Variants in SCML4 observed in about 807,000 individuals in gnomAD.
SCML4 encodes sex comb on midleg-like protein 4.
In SCML4, 34 loss-of-function variants were observed where a neutral mutation model predicts 41.1. The observed-to-expected ratio is 0.83, with a 90% CI of 0.63 to 1.10. The LOEUF is 1.10. Ranked by LOEUF, SCML4 falls within the 50% of genes least tolerant of loss-of-function variation. The pLI is 0.00. For synonymous variants in SCML4, 214 were observed against 220.9 expected (o/e 0.97, Z 0.28); for missense variants, 522 against 534.1 (o/e 0.98, Z 0.22).
rs147368676 is a variant in SCML4 at position 107,798,981 on chromosome 6, G to A, written c.-60+25145C>T. Among the ~76,000 whole-genome samples the A allele has an allele frequency of 8.2e-3, 1,251 of 152,132 alleles. 11 individuals carry two copies. The highest frequency in any genetic ancestry group is 0.012 in the Non-Finnish European group (825 of 67,942). On this transcript the variant is annotated intron_variant, in intron 1 of 7. Coordinates refer to ENST00000369020, the MANE Select transcript of SCML4 (RefSeq NM_198081.5). ...GAAATGTATTGAGACTTGTTTTATG[G>A]CCCAGCTTATTGTCTATGTTGGTGA...
intron 5 of SCML4, among the ~76,000 whole-genome samples, chr6:107,739,606 G>A (rs1447222929): frequency 6.6e-6 from 1 of 152,026 alleles, no homozygotes; most frequent in Non-Finnish European, 1.5e-5. Context: ...TTACAATCCT[G>A]TTCGGGAACA....
At chr6:107,826,244 CA>C (rs202060012), upstream of SCML4, among the ~76,000 whole-genome samples, 75 of 95,866 alleles carry the variant, frequency 7.8e-4, no homozygotes, top group East Asian at 1.0e-2. Context: ...AATTCCATCT[CA>C]AAAAAAAAGA....
intron 3 of SCML4, 34 bp downstream of exon 3, chr6:107,749,650 C>A: frequency 1.2e-6 from 2 of 1,611,642 alleles, no homozygotes; most frequent in Non-Finnish European, 1.7e-6. Context: ...CTCTACAGAC[C>A]ATCACAGCCT....
chr6:107,707,810 T>C, intron 7 of SCML4, 56 bp downstream of exon 7: 6 of 1,549,680 alleles, frequency 3.9e-6, no homozygotes, highest in Non-Finnish European at 5.2e-6. Context: ...GACCTCACTC[T>C]CCTTCTGTGC....
At chr6:107,767,824 T>C (rs1404951160) in intron 2 of SCML4, among the ~76,000 whole-genome samples, 1 of 152,148 alleles carries the variant, frequency 6.6e-6, no homozygotes, top group African/African-American at 2.4e-5. Flanking sequence ...TTGTAATGGA[T>C]GTGTGACTTC....
the SCML4 span, among the ~76,000 whole-genome samples, chr6:107,833,228 G>A: frequency 1.3e-5 from 2 of 152,174 alleles, no homozygotes; most frequent in African/African-American, 2.4e-5. Flanking sequence ...CTCAAGATGC[G>A]TTGTTTAAGA....
intron 2 of SCML4, among the ~76,000 whole-genome samples, chr6:107,753,659 A>G (rs1178493773): frequency 6.6e-6 from 1 of 152,266 alleles, no homozygotes; most frequent in Non-Finnish European, 1.5e-5. Flanking sequence ...TAAAAAATTA[A>G]TTTTAAGGAT....
intron 1 of SCML4, among the ~76,000 whole-genome samples, chr6:107,819,150 G>A (rs1482195181): frequency 2.8e-5 from 3 of 106,986 alleles, no homozygotes; most frequent in Non-Finnish European, 6.5e-5. Flanking sequence ...TCGGTTGGAA[G>A]GGAGAAGGAA....
intron 1 of SCML4, among the ~76,000 whole-genome samples, chr6:107,802,513 G>C (rs559707916): frequency 6.6e-6 from 1 of 151,538 alleles, no homozygotes; most frequent in Non-Finnish European, 1.5e-5. Flanking sequence ...TGGTGTGGGA[G>C]AGAGGTGGGG....
At chr6:107,708,227 T>C (rs1773869346) in intron 6 of SCML4, among the ~76,000 whole-genome samples, 1 of 151,988 alleles carries the variant, frequency 6.6e-6, no homozygotes, top group African/African-American at 2.4e-5. Context: ...TATATTACCC[T>C]CCCCATGTAT....
chr6:107,725,271 T>C (rs1775849447), intron 5 of SCML4, among the ~76,000 whole-genome samples: 2 of 152,316 alleles, frequency 1.3e-5, no homozygotes, highest in African/African-American at 4.8e-5. Context: ...TTACAAATTA[T>C]ATGAATGTAA....
chr6:107,807,692 G>T (rs1783841540), intron 1 of SCML4, among the ~76,000 whole-genome samples: 1 of 152,128 alleles, frequency 6.6e-6, no homozygotes, highest in Non-Finnish European at 1.5e-5. Context: ...AGTGAGTTAG[G>T]CACTCTCCTT....
At chr6:107,810,704 T>A (rs1784097183) in intron 1 of SCML4, among the ~76,000 whole-genome samples, 1 of 152,318 alleles carries the variant, frequency 6.6e-6, no homozygotes, top group South Asian at 2.1e-4. Context: ...AACTGTCAGA[T>A]GAAATCTTAA....
At chr6:107,772,545 A>G (rs1408563595) in intron 1 of SCML4, among the ~76,000 whole-genome samples, 159 bp from the exon 2 acceptor site, 1 of 152,166 alleles carries the variant, frequency 6.6e-6, no homozygotes, top group Non-Finnish European at 1.5e-5. Context: ...TGCATTTACG[A>G]TGCTGTTGGG....
upstream of SCML4, among the ~76,000 whole-genome samples, chr6:107,828,461 T>C (rs1050832955): frequency 6.6e-6 from 1 of 152,266 alleles, no homozygotes; most frequent in South Asian, 2.1e-4. Flanking sequence ...GTTGTGATTA[T>C]GGATATGGCC....
At chr6:107,818,965 T>A (rs1373291153) in intron 1 of SCML4, among the ~76,000 whole-genome samples, 3 of 152,212 alleles carry the variant, frequency 2.0e-5, no homozygotes, top group Non-Finnish European at 4.4e-5. Context: ...AGAGCAATGA[T>A]GTCCCAGGAT....
At chr6:107,837,960 T>C in the SCML4 span, among the ~76,000 whole-genome samples, 2 of 146,444 alleles carry the variant, frequency 1.4e-5, no homozygotes, top group Non-Finnish European at 3.0e-5. Flanking sequence ...CAGGTTGGAG[T>C]GCAGTGGCAC....
At chr6:107,782,630 C>T (rs553907979) in intron 1 of SCML4, among the ~76,000 whole-genome samples, 1 of 152,316 alleles carries the variant, frequency 6.6e-6, no homozygotes, top group South Asian at 2.1e-4. Context: ...ATAAGTTTGC[C>T]TGATGGCAGG....
At chr6:107,725,603 A>G (rs1198983842) in intron 5 of SCML4, among the ~76,000 whole-genome samples, 1 of 152,238 alleles carries the variant, frequency 6.6e-6, no homozygotes, top group East Asian at 1.9e-4. Context: ...CACACCATAT[A>G]CAAAAATTAA....
Sources: gnomAD v4.1 joint callset for allele counts (sites outside exome capture counted in the v4.1 genomes callset) on GRCh38, gnomAD v4.1.1 for gene constraint, MANE v1.5 for transcripts, NCBI Gene and HGNC (gene_info 2026-07-23, HGNC 2026-07-21) for gene names.